SNX8: variants seen among roughly 807,000 people sequenced by gnomAD.
The protein encoded by SNX8 is sorting nexin 8.
Under a neutral mutation model 51.6 loss-of-function variants are expected in SNX8, and 25 were observed. That is an observed-to-expected ratio of 0.48 (90% confidence interval 0.35 to 0.68). SNX8 has a LOEUF of 0.68. Ranked by LOEUF, SNX8 falls within the 30% of genes least tolerant of loss-of-function variation. The pLI is 0.00. For synonymous variants in SNX8, 324 were observed against 277.0 expected (o/e 1.17, Z -1.68); for missense variants, 695 against 624.0 (o/e 1.11, Z -1.21).
rs753117537 is a variant in SNX8, at chr7:2,255,153, T to C, written c.1301A>G (p.Asn434Ser). Residue 434 changes from asparagine to serine, a missense_variant, in exon 11 of 11, where the codon AAC (asparagine) becomes AGC (serine). Transcript: ENST00000222990. ...GCAGCTGAGCTTGGGCCTCAGGTCG[T>C]TCCACACCTTGCTCATCTGAAAGGG... ...QGHKEMSKVW[N>S]DLRPKLSCLF... 12 of 1,555,440 alleles carry C rather than the reference T, an allele frequency of 7.7e-6. No individual in the cohort carries two copies. The South Asian group carries it at 1.2e-4, about 15-fold the overall frequency.
intron 1 of SNX8, among the ~76,000 whole-genome samples, chr7:2,303,034 G>A (rs1328153364): frequency 1.3e-5 from 2 of 150,950 alleles, no homozygotes. Flanking sequence ...CGCCAGGCCA[G>A]CCGCCCCGTC....
intron 10 of SNX8, among the ~76,000 whole-genome samples, chr7:2,256,479 C>A (rs975279715): frequency 1.3e-5 from 2 of 152,250 alleles, no homozygotes; most frequent in East Asian, 1.9e-4. Context: ...CTGAAGGAAC[C>A]GCCATCTGCT....
At chr7:2,283,177 G>A (rs112282546) in intron 1 of SNX8, among the ~76,000 whole-genome samples, 3,002 of 151,786 alleles carry the variant, frequency 0.02, 39 homozygotes, top group South Asian at 0.043. Context: ...ATGCAAAGAC[G>A]CTCCCCCTTC....
intron 1 of SNX8, among the ~76,000 whole-genome samples, chr7:2,296,610 C>A (rs1222344345): frequency 6.6e-6 from 1 of 151,894 alleles, no homozygotes; most frequent in Non-Finnish European, 1.5e-5. Context: ...CTATTTAATA[C>A]CTTATTTAAT....
Position 2,314,340 on chromosome 7 carries a change from G to T in SNX8, c.82C>A (p.Pro28Thr). 1.6e-6 allele frequency: 2 copies of T among 1,223,556 alleles called. No homozygotes were observed. Among genetic ancestry groups the T allele is most frequent in the Non-Finnish European group, 2.0e-6 (2 of 982,476 alleles). The allele number at this position is 1,223,556 out of a possible 1,614,324, so 75.8% of individuals were successfully genotyped here. A position where few individuals can be genotyped will look rare whatever the true frequency, so the allele number is the denominator to read the frequency against. ...CCCCACGCCCTACCTGACGCCGGGG[G>T]ATCCGCCTCCTCGTCAGCCTCCGCC... is the stretch of plus-strand genomic sequence containing the variant. ...AEAEADEEAD[P>T]PASDLPTPQA... Residue 28 changes from proline (P) to threonine (T), a missense_variant, in exon 1 of 11, where the codon CCC (proline) becomes ACC (threonine). Coordinates refer to ENST00000222990, the MANE Select transcript of SNX8 (RefSeq NM_013321.4).
At position 2,257,490 on chromosome 7, in the gene SNX8, C is replaced by G. The variant is rs1189832986; in HGVS notation, c.1009G>C (p.Gly337Arg). Reference protein sequence around the residue: ...YKDLCERHEKGVLHKHQRALH... With the variant: ...YKDLCERHEKRVLHKHQRALH... ...GCCCGCTGGTGCTTGTGCAACACGC[C>G]CTTCTCATGCCGCTCGCACAGGTCC... Residue 337 changes from glycine to arginine, a missense_variant, in exon 9 of 11, where the codon GGC (glycine) becomes CGC (arginine). By Grantham distance (125) the Gly-to-Arg change is moderately radical. Coordinates refer to ENST00000222990, the MANE Select transcript of SNX8 (RefSeq NM_013321.4). The G allele has an allele frequency of 6.2e-7, 1 of 1,604,858 alleles. No individual in the cohort carries two copies. Among genetic ancestry groups the G allele is most frequent in the South Asian group, 1.1e-5 (1 of 90,478 alleles).
At chr7:2,285,868 CG>C (rs150022123) in intron 1 of SNX8, among the ~76,000 whole-genome samples, 2 of 151,464 alleles carry the variant, frequency 1.3e-5, no homozygotes, top group Non-Finnish European at 2.9e-5. Context: ...TGTAGATATG[CG>C]GGGGGGTCTC....
chr7:2,267,178 C>T (rs573192892), intron 5 of SNX8, among the ~76,000 whole-genome samples: 126 of 152,356 alleles, frequency 8.3e-4, no homozygotes, highest in African/African-American at 2.9e-3. Context: ...AATGAGGAAA[C>T]CATGCGACAG....
intron 1 of SNX8, among the ~76,000 whole-genome samples, chr7:2,348,633 GC>G (rs1229684486): frequency 4.0e-5 from 6 of 151,504 alleles, no homozygotes; most frequent in Non-Finnish European, 7.4e-5. Context: ...GAGCCACCGT[GC>G]CCGGCCCAGT....
intron 1 of SNX8, among the ~76,000 whole-genome samples, chr7:2,348,746 A>C (rs1158441190): frequency 6.6e-6 from 1 of 151,684 alleles, no homozygotes; most frequent in East Asian, 2.0e-4. Flanking sequence ...CAGGAGTTCA[A>C]GGCCAGCTGG....
At chr7:2,332,763 G>T (rs947830531) in intron 1 of SNX8, among the ~76,000 whole-genome samples, 2 of 149,024 alleles carry the variant, frequency 1.3e-5, no homozygotes, top group Non-Finnish European at 3.0e-5. Flanking sequence ...AGGAAGGAAG[G>T]AAGGAAGGAG....
At chr7:2,349,424 A>G (rs1779097709) in intron 1 of SNX8, among the ~76,000 whole-genome samples, 1 of 147,324 alleles carries the variant, frequency 6.8e-6, no homozygotes, top group Admixed American at 6.8e-5. Flanking sequence ...TTTTCACCCT[A>G]CCCCCTATAT....
chr7:2,340,895 A>C (rs1345635053), intron 1 of SNX8, among the ~76,000 whole-genome samples: 2 of 148,422 alleles, frequency 1.3e-5, no homozygotes, highest in African/African-American at 2.5e-5. Context: ...CTCTAAAGCT[A>C]ATCAGTACTC....
intron 1 of SNX8, among the ~76,000 whole-genome samples, chr7:2,285,704 T>C (rs1400817848): frequency 2.0e-5 from 3 of 152,172 alleles, no homozygotes; most frequent in African/African-American, 7.2e-5. Context: ...TCTTTCTCTG[T>C]TGCCTAGGCT....
At chr7:2,348,281 CAGGA>C (rs72382752) in intron 1 of SNX8, among the ~76,000 whole-genome samples, 6,308 of 151,842 alleles carry the variant, frequency 0.042, 422 homozygotes, top group African/African-American at 0.14. Flanking sequence ...ACGCTCCACC[CAGGA>C]AGGACAAGGC....
At chr7:2,297,303 C>A (rs911122971) in intron 1 of SNX8, among the ~76,000 whole-genome samples, 5 of 151,780 alleles carry the variant, frequency 3.3e-5, no homozygotes, top group Non-Finnish European at 5.9e-5. Flanking sequence ...GTAATCCCAG[C>A]ACTTTGGGAG....
chr7:2,290,169 G>C (rs1389643921), intron 1 of SNX8, among the ~76,000 whole-genome samples: 2 of 152,002 alleles, frequency 1.3e-5, no homozygotes, highest in African/African-American at 4.8e-5. Flanking sequence ...CTCCAGCCTG[G>C]CGACAAGGGC....
intron 1 of SNX8, among the ~76,000 whole-genome samples, chr7:2,302,443 G>A (rs1025043689): frequency 2.0e-5 from 3 of 152,188 alleles, no homozygotes; most frequent in Admixed American, 1.3e-4. Flanking sequence ...GTGTGATCTC[G>A]GCTGGCTACA....
At chr7:2,271,499 G>T (rs1419615652) in intron 4 of SNX8, among the ~76,000 whole-genome samples, 1 of 152,182 alleles carries the variant, frequency 6.6e-6, no homozygotes, top group Non-Finnish European at 1.5e-5. Flanking sequence ...TGTTCCAGTG[G>T]TCCTTAGTCA....
Sources: gnomAD v4.1 joint callset for allele counts (sites outside exome capture counted in the v4.1 genomes callset) on GRCh38, gnomAD v4.1.1 for gene constraint, MANE v1.5 for transcripts, NCBI Gene and HGNC (gene_info 2026-07-23, HGNC 2026-07-21) for gene names.